HFM1: variants seen among roughly 807,000 people sequenced by gnomAD.
HFM1 encodes the protein helicase for meiosis 1, also known as probable ATP-dependent DNA helicase HFM1.
A neutral mutation model predicts 192.1 loss-of-function variants in HFM1; 169 were observed. The ratio of observed to expected loss-of-function variants is 0.88; its 90% confidence interval spans 0.78 to 1.00. The LOEUF (loss-of-function observed/expected upper bound fraction) is 1.00. Ranked by LOEUF, HFM1 falls within the 50% of genes least tolerant of loss-of-function variation. The pLI is 0.00. For synonymous variants in HFM1, 525 were observed against 537.8 expected, an observed-to-expected ratio of 0.98 and a Z score of 0.33; for missense variants, 1,661 against 1,668.0, an observed-to-expected ratio of 1.00 and a Z score of 0.07.
At chr1:91,289,615 C>A (rs1668476463) in intron 30 of HFM1, among the ~76,000 whole-genome samples, 1 of 152,174 alleles carries the variant, frequency 6.6e-6, no homozygotes. Context: ...ATCCTGGCAC[C>A]TTGGGAGGCT....
At chr1:91,324,614 T>C (rs1652607494) in intron 21 of HFM1, 61 bp downstream of exon 21, 2 of 772,966 alleles carry the variant, frequency 2.6e-6, no homozygotes, top group African/African-American at 3.5e-5. Flanking sequence ...ATTAGTTGTT[T>C]CTCAAATATT....
rs200124442 is a variant in HFM1, at chr1:91,353,060, G to C, written c.1822C>G (p.Pro608Ala). 6.3e-7 allele frequency: 1 copy of C among 1,586,388 alleles called. No individual in the cohort carries two copies. The highest frequency in any genetic ancestry group is 8.6e-7 in the Non-Finnish European group (1 of 1,156,712). ...AATATGTTTTACTTACAAAGAACTG[G>C]TAAATCTCCAACAGTAAAAGCTCCC... is the stretch of plus-strand genomic sequence containing the variant. ...VEGAFTVGDL[P>A]VLFTTSTLAM... is the part of the protein sequence containing the mutation. Residue 608 changes from proline to alanine, a missense_variant, in exon 15 of 39, where the codon CCA becomes GCA. Coordinates refer to ENST00000370425, the MANE Select transcript of HFM1 (RefSeq NM_001017975.6).
At chr1:91,338,232 G>A (rs900917024) in intron 20 of HFM1, among the ~76,000 whole-genome samples, 17 of 152,202 alleles carry the variant, frequency 1.1e-4, no homozygotes, top group Non-Finnish European at 2.9e-5. Flanking sequence ...CACCCTGTGT[G>A]GAGCCCAAAG....
rs1557483909 is a variant in HFM1, at chr1:91,375,532, G to A, written c.1591C>T (p.Leu531Phe). 6.2e-7 allele frequency: 1 copy of A among 1,612,638 alleles called. No individual in the cohort carries two copies. The highest frequency in any genetic ancestry group is 8.5e-7 in the Non-Finnish European group (1 of 1,178,918). The change falls in exon 12 of 39, where the codon CTT becomes TTT. Residue 531 changes from leucine (L) to phenylalanine (F), a missense_variant. Transcript: ENST00000370425. ...IQMYSDQKPT[L>F]VFCATRKGVQ... The stretch of plus-strand genomic sequence containing the variant: ...AAGCTATCAACAATCCATACCACAA[G>A]TGTGGGTTTCTGATCAGAGTACATT...
At chr1:91,347,046 T>C (rs1656228425) in intron 19 of HFM1, among the ~76,000 whole-genome samples, 1 of 152,026 alleles carries the variant, frequency 6.6e-6, no homozygotes, top group African/African-American at 2.4e-5. Context: ...GAGTTCAAGG[T>C]TACAATGAGC....
intron 30 of HFM1, among the ~76,000 whole-genome samples, chr1:91,297,508 T>C (rs990083406): frequency 6.6e-6 from 1 of 152,148 alleles, no homozygotes; most frequent in African/African-American, 2.4e-5. Context: ...GTGGGTCCCT[T>C]ACCCCCAAGT....
At chr1:91,390,202 C>A (rs1662768509) in intron 4 of HFM1, among the ~76,000 whole-genome samples, 1 of 152,080 alleles carries the variant, frequency 6.6e-6, no homozygotes, top group Non-Finnish European at 1.5e-5. Flanking sequence ...TACTGGGAGG[C>A]CGAGGCAGAC....
intron 13 of HFM1, among the ~76,000 whole-genome samples, chr1:91,360,710 A>C (rs1171918323): frequency 1.3e-5 from 2 of 152,230 alleles, no homozygotes; most frequent in African/African-American, 4.8e-5. Context: ...AGATAGCTAC[A>C]GAACTCTCCA....
At chr1:91,370,854 C>A (rs543613562) in intron 13 of HFM1, among the ~76,000 whole-genome samples, 1 of 152,140 alleles carries the variant, frequency 6.6e-6, no homozygotes, top group Non-Finnish European at 1.5e-5. Flanking sequence ...ATGTTCCCAG[C>A]GCAAAATCTC....
intron 30 of HFM1, among the ~76,000 whole-genome samples, chr1:91,284,823 G>A (rs1479066314): frequency 1.3e-5 from 2 of 152,008 alleles, no homozygotes; most frequent in Admixed American, 6.6e-5. Context: ...TTATCTCTTG[G>A]AACTATAACC....
At chr1:91,404,320 CGA>C (rs969615577) in intron 1 of HFM1, among the ~76,000 whole-genome samples, 1 of 152,336 alleles carries the variant, frequency 6.6e-6, no homozygotes, top group African/African-American at 2.4e-5. Context: ...CTTAGGGCCC[CGA>C]GAGTGGCACA....
At chr1:91,338,088 T>C (rs1654836068) in intron 20 of HFM1, among the ~76,000 whole-genome samples, 1 of 151,844 alleles carries the variant, frequency 6.6e-6, no homozygotes, top group Non-Finnish European at 1.5e-5. Flanking sequence ...TGGGGAAGGG[T>C]GAGTTAAACA....
chr1:91,326,222 T>A (rs1652877473), intron 20 of HFM1, among the ~76,000 whole-genome samples: 1 of 151,924 alleles, frequency 6.6e-6, no homozygotes, highest in African/African-American at 2.4e-5. Flanking sequence ...TCACAGAACA[T>A]CCCAAACACA....
intron 2 of HFM1, among the ~76,000 whole-genome samples, chr1:91,398,474 T>A (rs2102189643): frequency 6.6e-6 from 1 of 152,318 alleles, no homozygotes; most frequent in African/African-American, 2.4e-5. Context: ...CCTCCAGGCT[T>A]TCTCTCTATT....
Position 91,356,173 on chromosome 1 carries a change from T to C in HFM1, c.1686-2874A>G, listed in dbSNP as rs191848538. Among the ~76,000 whole-genome samples, 135 of 151,762 alleles carry C rather than the reference T, an allele frequency of 8.9e-4. 2 individuals carry two copies. The highest frequency in any genetic ancestry group is 6.8e-3 in the Middle Eastern group (2 of 294). The stretch of plus-strand genomic sequence containing the variant: ...ACCAAAAGGGAAATTAAAAAATATC[T>C]TGAGACAAGTAACAATGGAAAGACA... On this transcript the variant is annotated intron_variant, in intron 13 of 38. Transcript: ENST00000370425.
intron 32 of HFM1, among the ~76,000 whole-genome samples, chr1:91,275,073 C>T (rs1183157795): frequency 2.0e-5 from 3 of 151,322 alleles, no homozygotes; most frequent in East Asian, 3.9e-4. Flanking sequence ...CAACCTCTGC[C>T]TCCCAGGTTT....
intron 34 of HFM1, among the ~76,000 whole-genome samples, chr1:91,269,801 C>T (rs906740781): frequency 6.6e-6 from 1 of 152,024 alleles, no homozygotes; most frequent in Non-Finnish European, 1.5e-5. Context: ...AGGGCAAGAG[C>T]AAAGGGAACC....
At chr1:91,378,598 T>A (rs986736797) in intron 9 of HFM1, 118 bp from the exon 10 acceptor site, 8 of 588,150 alleles carry the variant, frequency 1.4e-5, no homozygotes, top group Admixed American at 8.8e-5. Flanking sequence ...TTTTGGTTGA[T>A]CCCTTAAGAG....
At chr1:91,355,747 T>C (rs575044113) in intron 13 of HFM1, among the ~76,000 whole-genome samples, 7 of 151,990 alleles carry the variant, frequency 4.6e-5, no homozygotes, top group South Asian at 2.1e-4. Context: ...AAGAGAGAAA[T>C]AGACAACAAT....
Sources: gnomAD v4.1 joint callset for allele counts (sites outside exome capture counted in the v4.1 genomes callset) on GRCh38, gnomAD v4.1.1 for gene constraint, MANE v1.5 for transcripts, NCBI Gene and HGNC (gene_info 2026-07-23, HGNC 2026-07-21) for gene names.